Variants in TUSC3 observed in about 807,000 individuals in gnomAD.
TUSC3 encodes tumor suppressor candidate 3.
Under a neutral mutation model 44.8 loss-of-function variants are expected in TUSC3, and 45 were observed. The ratio of observed to expected loss-of-function variants is 1.00; its 90% CI spans 0.79 to 1.29. The LOEUF (loss-of-function observed/expected upper bound fraction) is 1.29. TUSC3 is among the 50% of genes most tolerant of loss of function. TUSC3 has a pLI of 0.00. For synonymous variants in TUSC3, 212 were observed against 152.9 expected (o/e 1.39, Z -2.85); for missense variants, 519 against 437.9 (o/e 1.19, Z -1.65).
At chr8:15,569,972 A>C (rs1242204528) in intron 1 of TUSC3, among the ~76,000 whole-genome samples, 2 of 152,020 alleles carry the variant, frequency 1.3e-5, no homozygotes, top group Non-Finnish European at 2.9e-5. Flanking sequence ...GAGGCAATTC[A>C]TTTTCTTTAA....
intron 2 of TUSC3, among the ~76,000 whole-genome samples, chr8:15,501,037 C>G (rs978317924): frequency 6.6e-6 from 1 of 151,986 alleles, no homozygotes; most frequent in African/African-American, 2.4e-5. Flanking sequence ...TTCTTGCTAT[C>G]TTCCTTGACC....
At chr8:15,696,278 G>T (rs947017221) in intron 6 of TUSC3, among the ~76,000 whole-genome samples, 11 of 152,180 alleles carry the variant, frequency 7.2e-5, no homozygotes, top group Non-Finnish European at 1.5e-4. Flanking sequence ...CCAAGGTACA[G>T]CTCGGGATGT....
At chr8:15,446,853 GAAA>G (rs374921595) in intron 1 of TUSC3, among the ~76,000 whole-genome samples, 1 of 147,996 alleles carries the variant, frequency 6.8e-6, no homozygotes, top group Admixed American at 6.8e-5. Context: ...CATGTGGAGA[GAAA>G]AAAAATGGAG....
chr8:15,638,943 G>A (rs967319129), intron 2 of TUSC3, among the ~76,000 whole-genome samples: 2 of 151,434 alleles, frequency 1.3e-5, no homozygotes, highest in African/African-American at 4.8e-5. Context: ...GTGATGTTCA[G>A]AGCTTCAGTG....
chr8:15,419,774 G>C (rs977579888), intron 1 of TUSC3, among the ~76,000 whole-genome samples: 1 of 152,092 alleles, frequency 6.6e-6, no homozygotes, highest in Non-Finnish European at 1.5e-5. Flanking sequence ...GTAAAATAAG[G>C]GTAGGTGTTT....
chr8:15,619,595 C>G (rs993791357), intron 1 of TUSC3, among the ~76,000 whole-genome samples: 1 of 151,996 alleles, frequency 6.6e-6, no homozygotes, highest in African/African-American at 2.4e-5. Flanking sequence ...GGGTTCACGC[C>G]ATTCTCCTGC....
chr8:15,692,073 G>A (rs764341307), intron 6 of TUSC3, among the ~76,000 whole-genome samples: 3 of 152,124 alleles, frequency 2.0e-5, no homozygotes, highest in East Asian at 3.9e-4. Flanking sequence ...GAGCCACCAC[G>A]CCTGGCACAT....
intron 5 of TUSC3, among the ~76,000 whole-genome samples, chr8:15,665,394 A>G (rs1807613525): frequency 6.6e-6 from 1 of 151,580 alleles, no homozygotes; most frequent in South Asian, 2.1e-4. Context: ...GAACCTATAC[A>G]AAAGTACTTC....
intron 7 of TUSC3, among the ~76,000 whole-genome samples, chr8:15,742,224 T>C (rs1481567412): frequency 1.4e-3 from 3 of 2,100 alleles, no homozygotes; most frequent in African/African-American, 3.7e-3. Flanking sequence ...ATGGTATGTG[T>C]ATGGTGGGAG....
intron 1 of TUSC3, among the ~76,000 whole-genome samples, chr8:15,482,218 C>T (rs764516717): frequency 1.3e-5 from 2 of 152,194 alleles, no homozygotes; most frequent in East Asian, 3.9e-4. Flanking sequence ...AGTTTTCTTG[C>T]TATTTCCACC....
chr8:15,627,061 C>T (rs150001537), intron 2 of TUSC3, among the ~76,000 whole-genome samples: 16 of 152,246 alleles, frequency 1.1e-4, no homozygotes, highest in Middle Eastern at 6.8e-3. Context: ...CACCAGTCAG[C>T]GCACACTATA....
chr8:15,593,379 C>G (rs747652905), intron 1 of TUSC3, among the ~76,000 whole-genome samples: 2 of 152,172 alleles, frequency 1.3e-5, no homozygotes, highest in African/African-American at 4.8e-5. Flanking sequence ...AGCCACCACA[C>G]CCGGTCAGTA....
At chr8:15,560,485 G>C (rs1301687560) in intron 1 of TUSC3, among the ~76,000 whole-genome samples, 5 of 150,846 alleles carry the variant, frequency 3.3e-5, no homozygotes, top group African/African-American at 1.2e-4. Context: ...ATGTGTCTTG[G>C]AGTTGCTCTT....
At chr8:15,483,781 G>A (rs1310832750) in intron 2 of TUSC3, among the ~76,000 whole-genome samples, 3 of 147,252 alleles carry the variant, frequency 2.0e-5, no homozygotes, top group East Asian at 2.1e-4. Context: ...TCAGCCTCCC[G>A]AGTAGCTGGG....
the TUSC3 span, among the ~76,000 whole-genome samples, chr8:15,795,091 A>C: frequency 6.0e-4 from 92 of 152,266 alleles, no homozygotes; most frequent in East Asian, 0.013. Flanking sequence ...GTAGTATTTA[A>C]TTGAGGCTAT....
intron 1 of TUSC3, among the ~76,000 whole-genome samples, chr8:15,479,867 G>A (rs1187015437): frequency 6.6e-6 from 1 of 152,146 alleles, no homozygotes. Context: ...AACTGTCTCT[G>A]TTTGCAGATG....
chr8:15,788,662 G>A, the TUSC3 span, among the ~76,000 whole-genome samples: 1 of 152,006 alleles, frequency 6.6e-6, no homozygotes, highest in African/African-American at 2.4e-5. Context: ...TAAAGGAAGA[G>A]TACTATCAGG....
chr8:15,771,253 ACTC>A (rs1389441130), downstream of TUSC3, among the ~76,000 whole-genome samples: 1 of 152,018 alleles, frequency 6.6e-6, no homozygotes, highest in Non-Finnish European at 1.5e-5. Flanking sequence ...GTTGGAAAAT[ACTC>A]CTCAAATGGA....
chr8:15,570,605 A>G (rs1273736795), intron 1 of TUSC3, among the ~76,000 whole-genome samples: 2 of 152,174 alleles, frequency 1.3e-5, no homozygotes, highest in Non-Finnish European at 2.9e-5. Flanking sequence ...GATAACTACC[A>G]TTTATTTAAT....
Sources: allele counts gnomAD v4.1 joint callset (sites outside exome capture counted in the v4.1 genomes callset), GRCh38; gene constraint gnomAD v4.1.1; transcripts MANE v1.5; gene names NCBI Gene and HGNC (gene_info 2026-07-23, HGNC 2026-07-21).